KCNC4: variants seen among roughly 807,000 people sequenced by gnomAD.
The protein encoded by KCNC4 is voltage-gated potassium channel KCNC4.
A neutral mutation model predicts 42.8 loss-of-function variants in KCNC4; 23 were observed. The observed-to-expected ratio is 0.54, with a 90% confidence interval of 0.39 to 0.76. The LOEUF is 0.76. Ranked by LOEUF, KCNC4 falls within the 30% of genes least tolerant of loss-of-function variation. The pLI is 0.00. For missense variants in KCNC4, 751 were observed against 898.2 expected (o/e 0.84, Z 2.10); for synonymous variants, 422 against 393.5 (o/e 1.07, Z -0.86).
intron 1 of KCNC4, among the ~76,000 whole-genome samples, chr1:110,271,253 T>C (rs1302847442): frequency 6.6e-6 from 1 of 152,094 alleles, no homozygotes; most frequent in Non-Finnish European, 1.5e-5. Context: ...ATGGTGTGGT[T>C]GGGTGAAAGC....
intron 3 of KCNC4, among the ~76,000 whole-genome samples, chr1:110,231,447 G>C (rs1474518166): frequency 6.6e-6 from 1 of 152,154 alleles, no homozygotes; most frequent in Non-Finnish European, 1.5e-5. Context: ...GCAATCTAAG[G>C]CCATTATCTC....
intron 1 of KCNC4, among the ~76,000 whole-genome samples, chr1:110,216,669 T>TG (rs1383628906): frequency 2.6e-5 from 4 of 152,148 alleles, no homozygotes; most frequent in Non-Finnish European, 5.9e-5. Context: ...TAGGAGACCC[T>TG]GGGCCCTTCA....
Position 110,211,353 on chromosome 1 carries a change from CA to C in KCNC4, c.-146del. ...CCGCTCCGCGTCCTAGGGGGATAGG[CA>C]GGGGCAAGCCCAAGCCGCAGAGGGG... On this transcript the variant is annotated 5_prime_UTR_variant, in exon 1 of 4. Transcript: ENST00000438661. This position sits in a 1 kb window ranked among gnomAD's most constrained non-coding sequence, Gnocchi z 6.5. 8.3e-7 allele frequency: 1 copy of C among 1,203,160 alleles called. No individual in the cohort carries two copies. The highest frequency in any genetic ancestry group is 1.1e-6 in the Non-Finnish European group (1 of 877,922). The allele number at this position is 1,203,160 out of a possible 1,614,324, so 74.5% of individuals were successfully genotyped here. A position where few individuals can be genotyped will look rare whatever the true frequency, so the allele number is the denominator to read the frequency against.
rs939181362 is a variant in KCNC4 at position 110,257,258 on chromosome 1, A to C, written n.31-25276A>C. 5.3e-5 allele frequency among the ~76,000 whole-genome samples: 8 copies of C among 152,224 alleles called. No individual in the cohort carries two copies. The East Asian group carries it at 1.5e-3, about 29-fold the overall frequency. ...ACTTGACTCTTCAATTGAATTACAC[A>C]ATTTGTACAGGCCACTGATGTGACT... On this transcript the variant is annotated intron_variant and non_coding_transcript_variant, in intron 1 of 2. Coordinates refer to the KCNC4 transcript ENST00000412512.
chr1:110,232,323 G>C (rs546452571), intron 3 of KCNC4: 7 of 1,610,740 alleles, frequency 4.3e-6, no homozygotes, highest in Non-Finnish European at 5.9e-6. Flanking sequence ...AGGGGGCTGG[G>C]CACGACATGG....
At chr1:110,254,647 G>A (rs890920888) in intron 1 of KCNC4, among the ~76,000 whole-genome samples, 10 of 152,190 alleles carry the variant, frequency 6.6e-5, no homozygotes, top group African/African-American at 7.2e-5. Flanking sequence ...CAGTGATTAC[G>A]GGAACAAGGA....
chr1:110,213,983 C>G (rs1657646035), intron 1 of KCNC4, among the ~76,000 whole-genome samples: 1 of 152,166 alleles, frequency 6.6e-6, no homozygotes, highest in South Asian at 2.1e-4. Context: ...GGGCTTTTCA[C>G]CTGCTCTTCT....
chr1:110,216,252 T>G (rs1459630658), intron 1 of KCNC4, among the ~76,000 whole-genome samples: 1 of 152,210 alleles, frequency 6.6e-6, no homozygotes, highest in Non-Finnish European at 1.5e-5. Context: ...CAGGACTCAC[T>G]GATGCTGTGC....
At chr1:110,261,146 T>C (rs752039570) in intron 1 of KCNC4, among the ~76,000 whole-genome samples, 15 of 132,360 alleles carry the variant, frequency 1.1e-4, no homozygotes, top group African/African-American at 1.6e-4. Context: ...GTCATTACAA[T>C]GCTTAATCCG....
At position 110,232,976 on chromosome 1, in the gene KCNC4, G is replaced by A. The variant is rs535972405; in HGVS notation, c.*4G>A. ...TGAAGTCCTCACCCTCTCTTAAAGC[G>A]GCACCAACGTGAGAGAGACAGGCAG... On this transcript the variant is annotated 3_prime_UTR_variant, in exon 4 of 4. Coordinates refer to ENST00000438661, the MANE Select transcript of KCNC4 (RefSeq NM_001039574.3). 5.2e-5 allele frequency: 83 copies of A among 1,609,898 alleles called. No homozygotes were observed. In the East Asian group the frequency reaches 5.6e-4, roughly 11 times the overall value.
chr1:110,259,625 T>C (rs1571074710), intron 1 of KCNC4, among the ~76,000 whole-genome samples: 2 of 152,134 alleles, frequency 1.3e-5, no homozygotes, highest in Non-Finnish European at 2.9e-5. Context: ...TCTTCCTGCC[T>C]GGAGGAGGAG....
chr1:110,259,912 C>T (rs1033291578), intron 1 of KCNC4, among the ~76,000 whole-genome samples: 2 of 152,190 alleles, frequency 1.3e-5, no homozygotes, highest in Non-Finnish European at 2.9e-5. Flanking sequence ...TGCAGACTCG[C>T]CAACCAATGT....
chr1:110,257,413 CAAA>C (rs869271653), intron 1 of KCNC4, among the ~76,000 whole-genome samples: 2 of 136,436 alleles, frequency 1.5e-5, no homozygotes, highest in Non-Finnish European at 1.6e-5. Flanking sequence ...TCCCCTGCCG[CAAA>C]AAAAAAAAAA....
At chr1:110,220,221 C>T (rs1044826828) in intron 1 of KCNC4, 7 of 152,232 alleles carry the variant, frequency 4.6e-5, no homozygotes, top group African/African-American at 1.7e-4. Context: ...CCCTCCTCTT[C>T]TCAGGGTGGA....
In KCNC4 at chr1:110,256,740, A is replaced by C. The variant is rs1383749620; in HGVS notation, n.31-25794A>C. ...ACGGGAAGCGCCGTCACGCCCCGGT[A>C]TTACAAGGACAAGCTGAAGGAGGAC... On this transcript the variant is annotated intron_variant and non_coding_transcript_variant, in intron 1 of 2. Coordinates refer to the KCNC4 transcript ENST00000412512. 1.9e-5 allele frequency: 3 copies of C among 154,114 alleles called. No individual in the cohort carries two copies. The Admixed American group carries it at 2.0e-4, about 10-fold the overall frequency. 9.5% of individuals were successfully genotyped at this position (154,114 alleles called of 1,614,324 possible). A position where few individuals can be genotyped will look rare whatever the true frequency, so the allele number is the denominator to read the frequency against.
chr1:110,213,487 C>G (rs943905202), intron 1 of KCNC4, among the ~76,000 whole-genome samples: 1 of 152,174 alleles, frequency 6.6e-6, no homozygotes, highest in Non-Finnish European at 1.5e-5. Context: ...GGGGAACAGG[C>G]CTGCAGGGAA....
intron 1 of KCNC4, among the ~76,000 whole-genome samples, chr1:110,266,236 C>G (rs548572220): frequency 6.6e-6 from 1 of 152,326 alleles, no homozygotes; most frequent in East Asian, 1.9e-4. Flanking sequence ...AACACTGTTG[C>G]ATGGGGAGAG....
At chr1:110,226,392 C>T in intron 3 of KCNC4, 1 of 595,140 alleles carries the variant, frequency 1.7e-6, no homozygotes, top group Admixed American at 2.8e-5. Flanking sequence ...GGCTCCCATC[C>T]AGCTGCCCAT....
In KCNC4 at chr1:110,226,096, T is replaced by C. The variant is rs777563000; in HGVS notation, c.1737T>C (p.Thr579=). The change falls in exon 3 of 4, where the codon ACT becomes ACC. Residue 579 remains threonine, a synonymous_variant. Coordinates refer to ENST00000438661, the MANE Select transcript of KCNC4 (RefSeq NM_001039574.3). ...EERRALRRST[T]RDRNKKAAAC... is the part of the protein sequence containing the mutation. ...GCCGGGCCCTGCGACGCTCCACCAC[T>C]CGAGACAGAAACAAGAAGGCAGCTG... The C allele has an allele frequency of 2.5e-6, 4 of 1,613,838 alleles. No homozygotes were observed. Among genetic ancestry groups the C allele is most frequent in the Non-Finnish European group, 3.4e-6 (4 of 1,179,946 alleles).
Sources: allele counts gnomAD v4.1 joint callset (sites outside exome capture counted in the v4.1 genomes callset), GRCh38; gene constraint gnomAD v4.1.1; non-coding constraint Gnocchi (gnomAD v3.1); transcripts MANE v1.5; gene names NCBI Gene and HGNC (gene_info 2026-07-23, HGNC 2026-07-21).